ARHGAP32: variants seen among roughly 807,000 people sequenced by gnomAD.
ARHGAP32 encodes the protein rho GTPase-activating protein 32.
In ARHGAP32, 51 loss-of-function variants were observed where a neutral mutation model predicts 186.5. The observed-to-expected ratio is 0.27, with a 90% CI of 0.22 to 0.35. The LOEUF is 0.35. Among genes scored for constraint, ARHGAP32 ranks in the 10% least tolerant of loss-of-function variants. The pLI is 1.00. For missense variants in ARHGAP32, 2,186 were observed against 2,623.5 expected (o/e 0.83, Z 3.64); for synonymous variants, 950 against 964.3 (o/e 0.99, Z 0.27).
At chr11:129,277,263 C>T (rs1945543582) in intron 1 of ARHGAP32, among the ~76,000 whole-genome samples, 1 of 151,620 alleles carries the variant, frequency 6.6e-6, no homozygotes, top group Non-Finnish European at 1.5e-5. Context: ...AATGTATTGC[C>T]ATTAGTGTCG....
intron 10 of ARHGAP32, among the ~76,000 whole-genome samples, chr11:129,055,058 A>T (rs959862790): frequency 3.3e-5 from 5 of 152,214 alleles, no homozygotes; most frequent in Non-Finnish European, 7.3e-5. Flanking sequence ...CAACGACTGA[A>T]ACGAACTGTA....
In ARHGAP32 at chr11:128,972,608, G is replaced by GT; in HGVS notation, c.3897dup (p.Pro1300ThrfsTer5). ...GCAGCAGCAAAATCAGCAGTGGTGG[G>GT]TTGTTCAGCCACATCCCAGCTGGCT... On this transcript the variant is annotated frameshift_variant, in exon 22 of 23. Coordinates refer to ENST00000682385, the MANE Select transcript of ARHGAP32 (RefSeq NM_001378024.1). LOFTEE classifies it high-confidence loss of function. The GT allele has an allele frequency of 6.2e-7, 1 of 1,609,534 alleles. No homozygotes were observed. The highest frequency in any genetic ancestry group is 8.5e-7 in the Non-Finnish European group (1 of 1,177,080).
intron 9 of ARHGAP32, among the ~76,000 whole-genome samples, chr11:129,063,601 A>C (rs1303957379): frequency 6.6e-6 from 1 of 152,100 alleles, no homozygotes; most frequent in Non-Finnish European, 1.5e-5. Context: ...ATAAGCCATG[A>C]GCACAGTTCA....
chr11:129,180,680 T>C lies in ARHGAP32; in HGVS notation c.116+11403A>G, dbSNP rs114337027. ...CAAATTTTATGCTTAAAGTGTTTGA[T>C]TGTAGTTTCATATCTAACAAAAAAG... On this transcript the variant is annotated intron_variant, in intron 1 of 22. Transcript: ENST00000682385. Among the ~76,000 whole-genome samples the C allele has an allele frequency of 2.8e-3, 432 of 152,294 alleles. 4 individuals are homozygous for C. Among genetic ancestry groups the C allele is most frequent in the African/African-American group, 0.01 (416 of 41,572 alleles).
At chr11:129,011,011 T>C (rs957159051) in intron 11 of ARHGAP32, among the ~76,000 whole-genome samples, 5 of 152,206 alleles carry the variant, frequency 3.3e-5, no homozygotes, top group African/African-American at 1.2e-4. Flanking sequence ...AATGAGTAAG[T>C]GTCTGCCATA....
At chr11:129,273,116 C>G (rs962023421) in intron 1 of ARHGAP32, among the ~76,000 whole-genome samples, 8 of 152,200 alleles carry the variant, frequency 5.3e-5, no homozygotes, top group Non-Finnish European at 8.8e-5. Context: ...TAGTACATCA[C>G]AAGTCCTCAA....
At chr11:129,028,134 T>C (rs754128424) in intron 11 of ARHGAP32, among the ~76,000 whole-genome samples, 205 of 152,136 alleles carry the variant, frequency 1.3e-3, no homozygotes, top group Non-Finnish European at 2.4e-3. Context: ...CAAATTACTA[T>C]AAAATACAAC....
At chr11:128,997,956 T>C (rs1420477014) in intron 12 of ARHGAP32, among the ~76,000 whole-genome samples, 1 of 67,670 alleles carries the variant, frequency 1.5e-5, no homozygotes, top group Non-Finnish European at 3.7e-5. Context: ...CTCTGACAGT[T>C]TTTTTTCCAT....
At chr11:129,075,991 G>A (rs1174298414) in intron 6 of ARHGAP32, among the ~76,000 whole-genome samples, 3 of 152,136 alleles carry the variant, frequency 2.0e-5, no homozygotes, top group African/African-American at 7.2e-5. Context: ...AGGCGGTAAA[G>A]AAGCCGGCCA....
chr11:129,154,517 T>C (rs1943358393), intron 2 of ARHGAP32, among the ~76,000 whole-genome samples: 1 of 152,120 alleles, frequency 6.6e-6, no homozygotes, highest in Non-Finnish European at 1.5e-5. Context: ...AAAGAAAATG[T>C]GGTATATATA....
intron 1 of ARHGAP32, among the ~76,000 whole-genome samples, chr11:129,277,815 C>T (rs1047305103): frequency 2.6e-5 from 4 of 152,152 alleles, no homozygotes; most frequent in African/African-American, 9.7e-5. Flanking sequence ...AAAAAGAAAA[C>T]ACAACATTGA....
intron 5 of ARHGAP32, among the ~76,000 whole-genome samples, chr11:129,098,883 C>G (rs1332438232): frequency 6.6e-6 from 1 of 152,086 alleles, no homozygotes; most frequent in African/African-American, 2.4e-5. Context: ...TAAATTTAAA[C>G]TGGCATAAAT....
chr11:129,116,155 T>C (rs979335168), intron 5 of ARHGAP32, among the ~76,000 whole-genome samples: 5 of 152,058 alleles, frequency 3.3e-5, no homozygotes, highest in African/African-American at 1.2e-4. Flanking sequence ...AGTGAGAATG[T>C]GTGTAGTGTG....
chr11:129,051,947 C>A, intron 10 of ARHGAP32, among the ~76,000 whole-genome samples: 1 of 69,428 alleles, frequency 1.4e-5, no homozygotes, highest in East Asian at 4.6e-4. Flanking sequence ...CAGCAAGATT[C>A]TGTCTCAAAA....
At chr11:129,176,681 T>A (rs1187316419) in intron 1 of ARHGAP32, among the ~76,000 whole-genome samples, 1 of 150,334 alleles carries the variant, frequency 6.7e-6, no homozygotes, top group Non-Finnish European at 1.5e-5. Context: ...TGCTCCGGAA[T>A]GACTACTGGG....
intron 1 of ARHGAP32, among the ~76,000 whole-genome samples, chr11:129,235,939 A>ACACACACACT (rs1491239598): frequency 7.4e-4 from 101 of 135,918 alleles, no homozygotes; most frequent in African/African-American, 2.5e-3. Flanking sequence ...ACACACACAC[A>ACACACACACT]CTCACACACA....
At chr11:129,010,298 T>C in intron 11 of ARHGAP32, among the ~76,000 whole-genome samples, 1 of 152,234 alleles carries the variant, frequency 6.6e-6, no homozygotes, top group Non-Finnish European at 1.5e-5. Context: ...TTAGTTTAAT[T>C]AGATCCCATT....
chr11:129,123,314 C>A lies in ARHGAP32; in HGVS notation c.444+132G>T, dbSNP rs886450689. On this transcript the variant is annotated intron_variant, in intron 5 of 22. Coordinates refer to ENST00000682385, the MANE Select transcript of ARHGAP32 (RefSeq NM_001378024.1). This position sits in a 1 kb window ranked among gnomAD's most constrained non-coding sequence, Gnocchi z 4.6. ...AAGAGAAGAAAGATTTTACCTCAAC[C>A]AATAAGACATCAATTAAAAAAAAAA... 3.5e-5 allele frequency: 24 copies of A among 686,856 alleles called. No homozygotes were observed. Among genetic ancestry groups the A allele is most frequent in the Non-Finnish European group, 5.5e-5 (23 of 414,480 alleles). 42.5% of individuals were successfully genotyped at this position (686,856 alleles called of 1,614,324 possible).
chr11:128,969,237 G>A lies in ARHGAP32; in HGVS notation c.5976C>T (p.Val1992=), dbSNP rs1945288531. The change falls in exon 23 of 23, where the codon GTC becomes GTT. Residue 1992 remains valine, a synonymous_variant. Coordinates refer to ENST00000682385, the MANE Select transcript of ARHGAP32 (RefSeq NM_001378024.1). This position sits in a 1 kb window ranked among gnomAD's most constrained non-coding sequence, Gnocchi z 4.8. ...GACTCCTCTCTGGTTTAGGGGGTGGGACGATTGACTGAGTGAGGTGTTCTT... is the reference window on the plus strand; with the variant it reads ...GACTCCTCTCTGGTTTAGGGGGTGGAACGATTGACTGAGTGAGGTGTTCTT... ...KEEEHLTQSI[V]PPPKPERSHS... is the part of the protein sequence containing the mutation. 6 of 1,614,134 alleles carry A rather than the reference G, an allele frequency of 3.7e-6. No individual in the cohort carries two copies. The highest frequency in any genetic ancestry group is 1.1e-5 in the South Asian group (1 of 91,068).
Sources: gnomAD v4.1 joint callset for allele counts (sites outside exome capture counted in the v4.1 genomes callset) on GRCh38, gnomAD v4.1.1 for gene constraint, Gnocchi (gnomAD v3.1) non-coding constraint, MANE v1.5 for transcripts, NCBI Gene and HGNC (gene_info 2026-07-23, HGNC 2026-07-21) for gene names.